Variants in BRCA1 observed in about 807,000 individuals in gnomAD.
BRCA1 encodes the protein breast cancer type 1 susceptibility protein.
In BRCA1, 140 loss-of-function variants were observed where a neutral mutation model predicts 173.7. The ratio of observed to expected loss-of-function variants is 0.81; its 90% CI spans 0.70 to 0.93. The LOEUF (loss-of-function observed/expected upper bound fraction) is 0.93, where lower values mean the gene tolerates loss of function less well. BRCA1 is among the 40% of genes least tolerant of loss of function. The pLI, the probability that BRCA1 is intolerant of heterozygous loss-of-function variation, is 0.00. For synonymous variants in BRCA1, 662 were observed against 756.0 expected (o/e 0.88, Z 2.04); for missense variants, 1,983 against 2,172.5 (o/e 0.91, Z 1.73).
At chr17:43,146,401 C>T (rs993854514) in intron 1 of BRCA1, among the ~76,000 whole-genome samples, 7 of 145,960 alleles carry the variant, frequency 4.8e-5, no homozygotes, top group African/African-American at 1.0e-4. Flanking sequence ...CTCTGCCTCC[C>T]GGGTTCACGC....
At chr17:43,087,015 C>T (rs2053254389) in intron 11 of BRCA1, among the ~76,000 whole-genome samples, 1 of 152,120 alleles carries the variant, frequency 6.6e-6, no homozygotes, top group Non-Finnish European at 1.5e-5. Flanking sequence ...CATAGCAATG[C>T]AAGATTTAGA....
intron 1 of BRCA1, among the ~76,000 whole-genome samples, chr17:43,147,233 A>G (rs1430293333): frequency 6.6e-6 from 1 of 151,770 alleles, no homozygotes; most frequent in Non-Finnish European, 1.5e-5. Context: ...TCTGTAGCCC[A>G]GGCTGGAGTG....
chr17:43,157,644 C>T (rs1399196821), intron 1 of BRCA1, among the ~76,000 whole-genome samples: 4 of 151,714 alleles, frequency 2.6e-5, no homozygotes, highest in Non-Finnish European at 5.9e-5. Context: ...TGCAGTGAAC[C>T]AAGACGGCAC....
chr17:43,101,112 A>G (rs1038803802), intron 6 of BRCA1, among the ~76,000 whole-genome samples: 3 of 151,790 alleles, frequency 2.0e-5, no homozygotes, highest in African/African-American at 7.3e-5. Context: ...CGAGTATTTA[A>G]AAGCCCAACA....
At chr17:43,047,165 T>C (rs1378875861) in intron 22 of BRCA1, among the ~76,000 whole-genome samples, 1 of 152,090 alleles carries the variant, frequency 6.6e-6, no homozygotes, top group Non-Finnish European at 1.5e-5. Context: ...AGTGGTGTGA[T>C]CGTGGCTCAC....
At chr17:43,063,262 G>T in intron 18 of BRCA1, 71 bp downstream of exon 18, 2 of 1,297,306 alleles carry the variant, frequency 1.5e-6, no homozygotes, top group East Asian at 2.3e-5. Context: ...ATTGATGGAA[G>T]GAAGCAAATA....
chr17:43,128,817 C>CTTT (rs370442015), upstream of BRCA1, among the ~76,000 whole-genome samples: 9 of 142,104 alleles, frequency 6.3e-5, no homozygotes, highest in African/African-American at 1.6e-4. Flanking sequence ...TCAGGCCACA[C>CTTT]TTTTTTTTTT....
In BRCA1 at chr17:43,048,294, C is replaced by T. The variant is rs1030430944; in HGVS notation, c.5407-591G>A. Among the ~76,000 whole-genome samples, 9 of 152,296 alleles carry T rather than the reference C, an allele frequency of 5.9e-5. No homozygotes were observed. In the East Asian group the frequency reaches 7.7e-4, roughly 13 times the overall value. On this transcript the variant is annotated intron_variant, in intron 21 of 22. Coordinates refer to ENST00000357654, the MANE Select transcript of BRCA1 (RefSeq NM_007294.4). ...CTTGGCTCACTGCAACCTCCGCCTC[C>T]GGGGTTCAAGCGATTCTCCTGCCCC...
At chr17:43,057,599 G>A (rs2051558453) in intron 18 of BRCA1, among the ~76,000 whole-genome samples, 1 of 152,028 alleles carries the variant, frequency 6.6e-6, no homozygotes, top group Non-Finnish European at 1.5e-5. Flanking sequence ...ACTTTGGGAG[G>A]CCGAGACAGG....
chr17:43,169,600 C>A (rs541115584), intron 1 of BRCA1, among the ~76,000 whole-genome samples: 64 of 152,288 alleles, frequency 4.2e-4, no homozygotes, highest in African/African-American at 1.5e-3. Context: ...CAAACTGCCC[C>A]CTTCCCCGGG....
intron 15 of BRCA1, among the ~76,000 whole-genome samples, chr17:43,068,016 G>A (rs1014594806): frequency 2.7e-5 from 4 of 149,898 alleles, no homozygotes; most frequent in Non-Finnish European, 4.4e-5. Flanking sequence ...GGTGGCTCAC[G>A]CCTGTAATCT....
intron 1 of BRCA1, among the ~76,000 whole-genome samples, chr17:43,134,889 A>G (rs1402333743): frequency 6.6e-6 from 1 of 152,260 alleles, no homozygotes; most frequent in African/African-American, 2.4e-5. Flanking sequence ...CAGAGAGGCC[A>G]AAGGAGCACA....
chr17:43,126,918 G>A (rs1024776280), upstream of BRCA1, among the ~76,000 whole-genome samples: 2 of 151,442 alleles, frequency 1.3e-5, no homozygotes, highest in Admixed American at 6.6e-5. Context: ...CGGGCTCAGC[G>A]GGCCCCGCAC....
chr17:43,050,038 T>G, intron 20 of BRCA1: 1 of 398,578 alleles, frequency 2.5e-6, no homozygotes, highest in Non-Finnish European at 4.4e-6. Flanking sequence ...TGATAACTAA[T>G]AAAGAGGATG....
intron 1 of BRCA1, among the ~76,000 whole-genome samples, chr17:43,146,587 C>T (rs1305606005): frequency 3.3e-5 from 5 of 151,726 alleles, no homozygotes; most frequent in South Asian, 2.1e-4. Context: ...GGATTACAGG[C>T]GTGAGCCATG....
intron 15 of BRCA1, among the ~76,000 whole-genome samples, chr17:43,069,514 A>G (rs2052291280): frequency 6.6e-6 from 1 of 152,244 alleles, no homozygotes; most frequent in South Asian, 2.1e-4. Flanking sequence ...AAACAAAGGG[A>G]TAAAGAACGC....
chr17:43,167,007 G>C (rs959529312), intron 1 of BRCA1: 1 of 152,346 alleles, frequency 6.6e-6, no homozygotes, highest in African/African-American at 2.4e-5. Context: ...GACTCCAAGT[G>C]CCCGTTCCTT....
At chr17:43,113,464 T>G (rs1446807437) in intron 3 of BRCA1, among the ~76,000 whole-genome samples, 1 of 152,154 alleles carries the variant, frequency 6.6e-6, no homozygotes, top group Non-Finnish European at 1.5e-5. Flanking sequence ...CCTCCCAGGT[T>G]CAAGTGATAC....
chr17:43,169,622 G>A (rs1331047017), intron 1 of BRCA1, among the ~76,000 whole-genome samples: 2 of 151,284 alleles, frequency 1.3e-5, no homozygotes, highest in Non-Finnish European at 2.9e-5. Context: ...GGTTCACAAC[G>A]CCTTATGCCT....
Sources: allele counts gnomAD v4.1 joint callset (sites outside exome capture counted in the v4.1 genomes callset), GRCh38; gene constraint gnomAD v4.1.1; transcripts MANE v1.5; gene names NCBI Gene and HGNC (gene_info 2026-07-23, HGNC 2026-07-21).